The following CADPS variants were observed in gnomAD, a reference collection of about 807,000 sequenced individuals.
The protein encoded by CADPS is calcium dependent secretion activator.
A neutral mutation model predicts 167.3 loss-of-function variants in CADPS; 57 were observed. That is an observed-to-expected ratio of 0.34 (90% CI 0.28 to 0.42). The LOEUF (loss-of-function observed/expected upper bound fraction) is 0.42, where lower values mean the gene tolerates loss of function less well. Among genes scored for constraint, CADPS ranks in the 20% least tolerant of loss-of-function variants. The pLI is 1.00. For synonymous variants in CADPS, 676 were observed against 635.3 expected, an observed-to-expected ratio of 1.06 and a Z score of -0.96; for missense variants, 1,414 against 1,738.1, an observed-to-expected ratio of 0.81 and a Z score of 3.32.
At chr3:62,800,487 A>G (rs1420445774) in intron 1 of CADPS, among the ~76,000 whole-genome samples, 1 of 152,186 alleles carries the variant, frequency 6.6e-6, no homozygotes, top group East Asian at 1.9e-4. Flanking sequence ...TGTAGAAAAA[A>G]TGAAAACTAA....
chr3:62,423,377 G>A (rs1343447391), intron 28 of CADPS, among the ~76,000 whole-genome samples: 1 of 152,198 alleles, frequency 6.6e-6, no homozygotes, highest in African/African-American at 2.4e-5. Context: ...TCTAGCTAGA[G>A]GGTCATAGAA....
At chr3:62,546,852 T>A (rs2076527349) in intron 11 of CADPS, among the ~76,000 whole-genome samples, 2 of 152,194 alleles carry the variant, frequency 1.3e-5, no homozygotes, top group Admixed American at 1.3e-4. Context: ...ATTCATGGAT[T>A]TTGGTATCTG....
chr3:62,734,406 T>C (rs187447551), intron 3 of CADPS, among the ~76,000 whole-genome samples: 53 of 152,264 alleles, frequency 3.5e-4, no homozygotes, highest in African/African-American at 1.2e-3. Context: ...CATAGAACAT[T>C]TCCATCATCT....
intron 1 of CADPS, among the ~76,000 whole-genome samples, chr3:62,781,839 AAAAAAT>A (rs1450397905): frequency 6.6e-6 from 1 of 152,168 alleles, no homozygotes; most frequent in African/African-American, 2.4e-5. Context: ...TTTGATTATG[AAAAAAT>A]AAAAATAAAA....
intron 3 of CADPS, among the ~76,000 whole-genome samples, chr3:62,675,236 C>T (rs1293590908): frequency 1.3e-5 from 2 of 151,808 alleles, no homozygotes; most frequent in Non-Finnish European, 2.9e-5. Context: ...AATCTTGTGG[C>T]CCTAACCTAG....
chr3:62,618,742 T>C (rs2062721239), intron 6 of CADPS, among the ~76,000 whole-genome samples: 2 of 152,338 alleles, frequency 1.3e-5, no homozygotes, highest in Non-Finnish European at 1.5e-5. Context: ...GAACTATTAA[T>C]CAAACCTCAC....
intron 21 of CADPS, among the ~76,000 whole-genome samples, chr3:62,487,323 G>C (rs2062987527): frequency 6.6e-6 from 1 of 152,174 alleles, no homozygotes; most frequent in Non-Finnish European, 1.5e-5. Context: ...TTACCAATGA[G>C]CTAACACTGA....
intron 1 of CADPS, among the ~76,000 whole-genome samples, chr3:62,824,658 A>G (rs1470468048): frequency 6.6e-6 from 1 of 152,212 alleles, no homozygotes; most frequent in Non-Finnish European, 1.5e-5. Context: ...TATATTGCTC[A>G]CAGCACAAGT....
At chr3:62,738,426 A>T (rs1039775067) in intron 3 of CADPS, among the ~76,000 whole-genome samples, 3 of 124,860 alleles carry the variant, frequency 2.4e-5, no homozygotes, top group Non-Finnish European at 3.5e-5. Context: ...ATACTTACAC[A>T]TTAAAAAAAA....
chr3:62,768,201 C>A (rs374423433), intron 1 of CADPS, among the ~76,000 whole-genome samples: 2 of 152,134 alleles, frequency 1.3e-5, no homozygotes, highest in African/African-American at 2.4e-5. Context: ...AGTTGATTTG[C>A]TCATAAAAAT....
intron 1 of CADPS, among the ~76,000 whole-genome samples, chr3:62,813,095 C>G (rs976712083): frequency 2.6e-5 from 4 of 151,680 alleles, no homozygotes; most frequent in Admixed American, 2.0e-4. Flanking sequence ...CCATTTTTTA[C>G]AGAATTAAAA....
intron 8 of CADPS, among the ~76,000 whole-genome samples, chr3:62,574,120 C>T (rs1412598730): frequency 6.6e-6 from 1 of 152,182 alleles, no homozygotes; most frequent in Admixed American, 6.5e-5. Context: ...AGTCAAGTCA[C>T]CATCAACACC....
intron 11 of CADPS, among the ~76,000 whole-genome samples, chr3:62,543,939 C>A (rs2076086696): frequency 6.6e-6 from 1 of 151,876 alleles, no homozygotes; most frequent in African/African-American, 2.4e-5. Context: ...TCCTTTTTCT[C>A]TTACATGGGT....
intron 2 of CADPS, among the ~76,000 whole-genome samples, chr3:62,762,413 T>C (rs1488888173): frequency 1.3e-5 from 2 of 152,092 alleles, no homozygotes; most frequent in Non-Finnish European, 2.9e-5. Flanking sequence ...TCCCAGCATT[T>C]TGGGGGGCCA....
chr3:62,468,902 G>C (rs1457603318), intron 24 of CADPS, among the ~76,000 whole-genome samples: 1 of 152,100 alleles, frequency 6.6e-6, no homozygotes, highest in African/African-American at 2.4e-5. Context: ...ATTATAACTT[G>C]TGAATATAGA....
chr3:62,722,062 G>T (rs1310795340), intron 3 of CADPS, among the ~76,000 whole-genome samples: 1 of 152,248 alleles, frequency 6.6e-6, no homozygotes, highest in African/African-American at 2.4e-5. Flanking sequence ...ACCTGATGGG[G>T]TTGGCACTGT....
intron 9 of CADPS, among the ~76,000 whole-genome samples, chr3:62,568,340 C>A (rs754008491): frequency 6.6e-6 from 1 of 152,206 alleles, no homozygotes; most frequent in Non-Finnish European, 1.5e-5. Context: ...AAGACCCACA[C>A]GCAGTGTGAA....
intron 8 of CADPS, among the ~76,000 whole-genome samples, chr3:62,579,807 G>C (rs906563093): frequency 1.6e-5 from 2 of 122,470 alleles, no homozygotes; most frequent in Non-Finnish European, 3.3e-5. Context: ...GATCTGACTT[G>C]TGTTTTTTAA....
At position 62,474,278 on chromosome 3, in the gene CADPS, T is replaced by C. The variant is rs148854672; in HGVS notation, c.3372A>G (p.Arg1124=). The change falls in exon 24 of 30, where the codon CGA becomes CGG. Residue 1124 remains arginine, a synonymous_variant. Coordinates refer to ENST00000383710, the MANE Select transcript of CADPS (RefSeq NM_003716.4). ...AFEVKLQKTS[R]STDFRVPQSI... Reference sequence around the variant, plus strand: ...ACTGTGGGACTCGAAAATCTGTTGATCGACTGGTTTTTTGCAGCTTAACTT... The same window carrying C: ...ACTGTGGGACTCGAAAATCTGTTGACCGACTGGTTTTTTGCAGCTTAACTT... 99 of 1,612,730 alleles carry C rather than the reference T, an allele frequency of 6.1e-5. No homozygotes were observed. The highest frequency in any genetic ancestry group is 3.2e-4 in the Admixed American group (19 of 59,816).
Sources: allele counts gnomAD v4.1 joint callset (sites outside exome capture counted in the v4.1 genomes callset), GRCh38; gene constraint gnomAD v4.1.1; transcripts MANE v1.5; gene names NCBI Gene and HGNC (gene_info 2026-07-23, HGNC 2026-07-21).